Variants in TNFSF11 observed in about 807,000 individuals in gnomAD.
The protein encoded by TNFSF11 is tumor necrosis factor ligand superfamily member 11.
Under a neutral mutation model 32.2 loss-of-function variants are expected in TNFSF11, and 12 were observed. The ratio of observed to expected loss-of-function variants is 0.37; its 90% CI spans 0.24 to 0.60. The LOEUF (loss-of-function observed/expected upper bound fraction) is 0.60. Ranked by LOEUF, TNFSF11 falls within the 20% of genes least tolerant of loss-of-function variation. The pLI, the probability that TNFSF11 is intolerant of heterozygous loss-of-function variation, is 0.66. For synonymous variants in TNFSF11, 172 were observed against 152.1 expected (o/e 1.13, Z -0.96); for missense variants, 345 against 398.0 (o/e 0.87, Z 1.13).
chr13:42,580,670 G>A (rs4942143), intron 1 of TNFSF11, among the ~76,000 whole-genome samples: 26,984 of 152,040 alleles, frequency 0.18, 2,602 homozygotes, highest in East Asian at 0.3. Context: ...TGTTGATTTC[G>A]CCTGTTTTAT....
At chr13:42,583,063 C>T (rs1873693425) in intron 2 of TNFSF11, among the ~76,000 whole-genome samples, 1 of 151,976 alleles carries the variant, frequency 6.6e-6, no homozygotes, top group African/African-American at 2.4e-5. Context: ...CTTTGAGTTC[C>T]TTATGGAAGA....
intron 2 of TNFSF11, among the ~76,000 whole-genome samples, chr13:42,584,372 A>G (rs930583505): frequency 1.3e-5 from 2 of 152,192 alleles, no homozygotes; most frequent in Non-Finnish European, 1.5e-5. Context: ...CTCTTGTCCT[A>G]AGTAAAAATA....
chr13:42,587,435 G>T (rs1873951080), intron 2 of TNFSF11, among the ~76,000 whole-genome samples: 1 of 152,206 alleles, frequency 6.6e-6, no homozygotes, highest in Admixed American at 6.5e-5. Flanking sequence ...ACCCCATTTA[G>T]GTAGGAAGGA....
Position 42,591,410 on chromosome 13 carries a change from G to T in TNFSF11, c.388-9342G>T, listed in dbSNP as rs370186534. Among the ~76,000 whole-genome samples the T allele has an allele frequency of 2.0e-5, 3 of 151,936 alleles. No individual in the cohort carries two copies. In the East Asian group the frequency reaches 5.8e-4, roughly 29 times the overall value. ...TGATTTTTCCCCTCTCCTCTGGGGAGGGTGAGGACCTGCCCTCTCACCTCC... is the reference window on the plus strand; with the variant it reads ...TGATTTTTCCCCTCTCCTCTGGGGATGGTGAGGACCTGCCCTCTCACCTCC... On this transcript the variant is annotated intron_variant, in intron 2 of 4. Transcript: ENST00000398795.
chr13:42,583,547 G>A (rs1873738036), intron 2 of TNFSF11, among the ~76,000 whole-genome samples: 2 of 150,228 alleles, frequency 1.3e-5, no homozygotes, highest in Admixed American at 1.3e-4. Flanking sequence ...TCATCTTATA[G>A]ATCCTGAAAA....
At chr13:42,580,632 G>T (rs537706421) in intron 1 of TNFSF11, among the ~76,000 whole-genome samples, 8 of 152,282 alleles carry the variant, frequency 5.3e-5, no homozygotes, top group South Asian at 2.1e-4. Context: ...AGGAAAAAAG[G>T]CCAGGCCAAC....
intron 2 of TNFSF11, among the ~76,000 whole-genome samples, chr13:42,584,460 C>G (rs185338022): frequency 2.6e-5 from 4 of 152,198 alleles, no homozygotes; most frequent in African/African-American, 7.2e-5. Context: ...AATGTGGCTT[C>G]ACTGAACTTT....
chr13:42,574,466 C>G lies in TNFSF11; in HGVS notation c.163C>G (p.Leu55Val). The G allele has an allele frequency of 6.2e-7, 1 of 1,609,106 alleles. No homozygotes were observed. The highest frequency in any genetic ancestry group is 8.5e-7 in the Non-Finnish European group (1 of 1,179,772). Residue 55 changes from leucine to valine, a missense_variant, in exon 1 of 5, where the codon CTG becomes GTG. Physicochemically the swap from Leu to Val is conservative, Grantham distance 32 (BLOSUM62 1). Around this residue, in one of 2 missense-constraint regions of TNFSF11, gnomAD observed 197 missense variants for 182.0 expected, o/e 1.08. Transcript: ENST00000398795. ...SRSMFVALLG[L>V]GLGQVVCSVA... ...CTCCATGTTCGTGGCCCTCCTGGGG[C>G]TGGGGCTGGGCCAGGTTGTCTGCAG...
At chr13:42,583,444 G>GAAAAAAAA (rs71202227) in intron 2 of TNFSF11, among the ~76,000 whole-genome samples, 12,689 of 95,252 alleles carry the variant, frequency 0.13, 1,295 homozygotes, top group African/African-American at 0.27. Flanking sequence ...AAAAAGAAAG[G>GAAAAAAAA]AAGAAAGGAA....
At chr13:42,572,803 C>T (rs1225306193), upstream of TNFSF11, among the ~76,000 whole-genome samples, 7 of 152,152 alleles carry the variant, frequency 4.6e-5, no homozygotes, top group African/African-American at 1.7e-4. Flanking sequence ...TTTAATAACT[C>T]AGAGACCTGT....
intron 1 of TNFSF11, among the ~76,000 whole-genome samples, chr13:42,565,223 TA>T (rs1242597763): frequency 3.6e-3 from 67 of 18,692 alleles, no homozygotes; most frequent in Admixed American, 0.011. Context: ...TATATATATA[TA>T]TATATATTTT....
upstream of TNFSF11, among the ~76,000 whole-genome samples, chr13:42,572,066 C>A (rs1308803202): frequency 1.3e-5 from 2 of 152,144 alleles, no homozygotes; most frequent in Non-Finnish European, 2.9e-5. Context: ...AAGAAAGATA[C>A]ATTACCTGTG....
upstream of TNFSF11, among the ~76,000 whole-genome samples, chr13:42,570,492 T>C (rs1282948479): frequency 6.6e-6 from 1 of 152,208 alleles, no homozygotes; most frequent in East Asian, 1.9e-4. Context: ...TACAGTGGAG[T>C]ATTGACATAA....
chr13:42,586,211 C>G (rs769601967), intron 2 of TNFSF11, among the ~76,000 whole-genome samples: 8 of 152,204 alleles, frequency 5.3e-5, no homozygotes, highest in Non-Finnish European at 1.2e-4. Flanking sequence ...AGTGAAGCTG[C>G]AAGCTCCATC....
In TNFSF11 at chr13:42,589,937, A is replaced by G. The variant is rs532982691; in HGVS notation, c.387+8644A>G. On this transcript the variant is annotated intron_variant, in intron 2 of 4. Coordinates refer to ENST00000398795, the MANE Select transcript of TNFSF11 (RefSeq NM_003701.4). ...AGTCGGTTTTCTAATTGTCTTTTAAAATCCAACTCAGGCATTACTTCCTGG... is the reference window on the plus strand; with the variant it reads ...AGTCGGTTTTCTAATTGTCTTTTAAGATCCAACTCAGGCATTACTTCCTGG... 5.9e-5 allele frequency among the ~76,000 whole-genome samples: 9 copies of G among 152,328 alleles called. No individual in the cohort carries two copies. In the East Asian group the frequency reaches 1.7e-3, roughly 29 times the overall value.
intron 1 of TNFSF11, among the ~76,000 whole-genome samples, chr13:42,579,372 G>A (rs1428128558): frequency 3.4e-5 from 5 of 147,776 alleles, no homozygotes; most frequent in Non-Finnish European, 7.4e-5. Flanking sequence ...TTATGCCACT[G>A]CACTCCAGCC....
chr13:42,594,163 T>C (rs1868655042), intron 2 of TNFSF11, among the ~76,000 whole-genome samples: 1 of 151,812 alleles, frequency 6.6e-6, no homozygotes, highest in African/African-American at 2.4e-5. Context: ...CACTGTAACC[T>C]CTGCCTCCCG....
At chr13:42,585,749 G>A (rs1433815505) in intron 2 of TNFSF11, among the ~76,000 whole-genome samples, 4 of 152,192 alleles carry the variant, frequency 2.6e-5, no homozygotes, top group Non-Finnish European at 5.9e-5. Flanking sequence ...TGGCCAGACT[G>A]GGTGGAAAGC....
chr13:42,585,063 C>T (rs1873817944), intron 2 of TNFSF11, among the ~76,000 whole-genome samples: 1 of 152,150 alleles, frequency 6.6e-6, no homozygotes, highest in Non-Finnish European at 1.5e-5. Context: ...TTTCCCTATG[C>T]CCAAGGATTT....
Sources: gnomAD v4.1 joint callset for allele counts (sites outside exome capture counted in the v4.1 genomes callset) on GRCh38, gnomAD v4.1.1 for gene constraint, gnomAD v4.1.1 regional missense constraint, MANE v1.5 for transcripts, NCBI Gene and HGNC (gene_info 2026-07-23, HGNC 2026-07-21) for gene names.